Variants in CMYA5 observed in about 807,000 individuals in gnomAD.
The protein encoded by CMYA5 is cardiomyopathy-associated protein 5.
A neutral mutation model predicts 318.9 loss-of-function variants in CMYA5; 246 were observed. The ratio of observed to expected loss-of-function variants is 0.77; its 90% CI spans 0.70 to 0.86. CMYA5 has a LOEUF of 0.86. CMYA5 is among the 40% of genes least tolerant of loss of function. The pLI is 0.00. For synonymous variants in CMYA5, 1,641 were observed against 1,729.5 expected (o/e 0.95, Z 1.27); for missense variants, 4,589 against 4,678.2 (o/e 0.98, Z 0.56).
intron 1 of CMYA5, among the ~76,000 whole-genome samples, chr5:79,718,372 C>A (rs181668781): frequency 5.9e-5 from 9 of 152,088 alleles, no homozygotes; most frequent in Admixed American, 5.9e-4. Flanking sequence ...AGATCACAAG[C>A]TTTCTTGGTG....
At chr5:79,703,758 T>G (rs1360141547) in intron 1 of CMYA5, among the ~76,000 whole-genome samples, 1 of 152,190 alleles carries the variant, frequency 6.6e-6, no homozygotes, top group African/African-American at 2.4e-5. Context: ...CAACTTTATT[T>G]TGATCTTTTC....
intron 9 of CMYA5, among the ~76,000 whole-genome samples, chr5:79,776,962 A>G (rs1344299011): frequency 6.6e-6 from 1 of 152,090 alleles, no homozygotes. Flanking sequence ...ACAGAGAACA[A>G]CCACACCCTG....
chr5:79,742,143 C>T (rs1270689395), intron 2 of CMYA5, among the ~76,000 whole-genome samples: 4 of 146,922 alleles, frequency 2.7e-5, no homozygotes, highest in African/African-American at 1.0e-4. Context: ...TCCCCTTCTT[C>T]CTCCCCCTCT....
rs550913959 is a variant in CMYA5, at chr5:79,738,298, T to G, written c.9533T>G (p.Ile3178Ser). ...ATATTTCCTACCACTATTAAAGTCATTGATCCAGAATTTCTGGAGGAGCCA... is the reference window on the plus strand; with the variant it reads ...ATATTTCCTACCACTATTAAAGTCAGTGATCCAGAATTTCTGGAGGAGCCA... Reference protein sequence around the residue: ...TQIFPTTIKVIDPEFLEEPPA... With the variant: ...TQIFPTTIKVSDPEFLEEPPA... The change falls in exon 2 of 13, where the codon ATT (isoleucine) becomes AGT (serine). Residue 3178 changes from isoleucine to serine, a missense_variant. Physicochemically the swap from Ile to Ser is moderately radical, Grantham distance 142. Around this residue, in one of 3 missense-constraint regions of CMYA5, gnomAD observed 2,431 missense variants for 2,495.1 expected, o/e 0.97. Coordinates refer to ENST00000446378, the MANE Select transcript of CMYA5 (RefSeq NM_153610.5). 1.9e-6 allele frequency: 3 copies of G among 1,613,450 alleles called. No homozygotes were observed. The South Asian group carries it at 3.3e-5, about 18-fold the overall frequency.
At position 79,731,006 on chromosome 5, in the gene CMYA5, C is replaced by G; in HGVS notation, c.2241C>G (p.Ala747=). The G allele has an allele frequency of 6.2e-7, 1 of 1,613,954 alleles. No homozygotes were observed. Among genetic ancestry groups the G allele is most frequent in the Non-Finnish European group, 8.5e-7 (1 of 1,179,878 alleles). ...CTGGATCGTTTACTCCAGCTGTGGC[C>G]CCTGCTTCTGAGCCCTCTCTCTCAC... is the stretch of plus-strand genomic sequence containing the variant. The part of the protein sequence containing the change: ...EDTGSFTPAV[A]PASEPSLSPS... The change falls in exon 2 of 13, where the codon GCC becomes GCG. Residue 747 remains alanine, a synonymous_variant. Transcript: ENST00000446378.
rs762771384 is a variant in CMYA5 at position 79,731,895 on chromosome 5, G to A, written c.3130G>A (p.Glu1044Lys). 8 of 1,613,498 alleles carry A rather than the reference G, an allele frequency of 5.0e-6. 1 individual carries two copies. The South Asian group carries it at 7.7e-5, about 16-fold the overall frequency. The change falls in exon 2 of 13, where the codon GAA becomes AAA. Residue 1044 changes from glutamate to lysine, a missense_variant. Glu to Lys is a moderately conservative substitution (Grantham distance 56). Coordinates refer to ENST00000446378, the MANE Select transcript of CMYA5 (RefSeq NM_153610.5). ...TTCCTGCTTTTCAGAAGCAGATGAG[G>A]AAGACATTGGATCCACAGCTGCTAC... is the stretch of plus-strand genomic sequence containing the variant. ...GYSCFSEADE[E>K]DIGSTAATPV...
chr5:79,729,795 T>A lies in CMYA5; in HGVS notation c.1030T>A (p.Ser344Thr), dbSNP rs1430620690. 6.2e-7 allele frequency: 1 copy of A among 1,613,800 alleles called. No homozygotes were observed. Among genetic ancestry groups the A allele is most frequent in the Non-Finnish European group, 8.5e-7 (1 of 1,179,868 alleles). ...ATSALEHTVP[S>T]YSSSGRAEQG... is the part of the protein sequence containing the mutation. ...ATCTGCATTGGAGCACACAGTTCCC[T>A]CTTATTCAAGTAGTGGCAGAGCAGA... Residue 344 changes from serine to threonine, a missense_variant, in exon 2 of 13, where the codon TCT (serine) becomes ACT (threonine). Transcript: ENST00000446378.
chr5:79,709,000 A>C (rs966044244), intron 1 of CMYA5, among the ~76,000 whole-genome samples: 1 of 152,136 alleles, frequency 6.6e-6, no homozygotes, highest in African/African-American at 2.4e-5. Context: ...CCAGAGAAGT[A>C]CTCTGCTGAA....
chr5:79,731,040 A>C lies in CMYA5; in HGVS notation c.2275A>C (p.Thr759Pro), dbSNP rs1275695726. The C allele has an allele frequency of 1.2e-6, 2 of 1,613,926 alleles. No homozygotes were observed. The highest frequency in any genetic ancestry group is 1.7e-6 in the Non-Finnish European group (2 of 1,179,872). The stretch of plus-strand genomic sequence containing the variant: ...TGAGCCCTCTCTCTCACCATCCACA[A>C]CCGAAAAGACTTCTGAATGCCAGTC... The part of the protein sequence containing the change: ...ASEPSLSPST[T>P]EKTSECQSPL... The change falls in exon 2 of 13, where the codon ACC becomes CCC. Residue 759 changes from threonine to proline, a missense_variant. Coordinates refer to ENST00000446378, the MANE Select transcript of CMYA5 (RefSeq NM_153610.5).
At chr5:79,748,464 A>G (rs991536170) in intron 5 of CMYA5, among the ~76,000 whole-genome samples, 1 of 152,210 alleles carries the variant, frequency 6.6e-6, no homozygotes, top group African/African-American at 2.4e-5. Flanking sequence ...AATCAGGTCT[A>G]GAAACTGATA....
intron 6 of CMYA5, among the ~76,000 whole-genome samples, chr5:79,757,934 C>T (rs1020140137): frequency 8.5e-5 from 13 of 152,152 alleles, no homozygotes; most frequent in African/African-American, 3.1e-4. Context: ...ACAGTGATTG[C>T]ATCTAAAGAA....
At chr5:79,727,545 G>C (rs1479181706) in intron 1 of CMYA5, among the ~76,000 whole-genome samples, 1 of 152,154 alleles carries the variant, frequency 6.6e-6, no homozygotes, top group Non-Finnish European at 1.5e-5. Flanking sequence ...GTTGTAGACA[G>C]ATGTAAGCCA....
Position 79,730,344 on chromosome 5 carries a change from G to A in CMYA5, c.1579G>A (p.Val527Ile). Residue 527 changes from valine (V) to isoleucine (I), a missense_variant, in exon 2 of 13, where the codon GTA (valine) becomes ATA (isoleucine). By Grantham distance (29) the Val-to-Ile change is conservative (BLOSUM62 3). Transcript: ENST00000446378. ...ITPEPEDSNL[V>I]EEEIVELDYP... is the part of the protein sequence containing the mutation. ...CCCTGAACCTGAAGATTCTAATTTA[G>A]TAGAAGAAGAGATCGTAGAACTTGA... 1 of 1,613,670 alleles carries A rather than the reference G, an allele frequency of 6.2e-7. No homozygotes were observed. Among genetic ancestry groups the A allele is most frequent in the Non-Finnish European group, 8.5e-7 (1 of 1,179,812 alleles).
Position 79,789,059 on chromosome 5 carries a change from T to C in CMYA5, c.11644T>C (p.Phe3882Leu). 6.2e-7 allele frequency: 1 copy of C among 1,613,970 alleles called. No individual in the cohort carries two copies. Among genetic ancestry groups the C allele is most frequent in the Non-Finnish European group, 8.5e-7 (1 of 1,179,866 alleles). Residue 3882 changes from phenylalanine to leucine, a missense_variant, in exon 10 of 13, where the codon TTT becomes CTT. Coordinates refer to ENST00000446378, the MANE Select transcript of CMYA5 (RefSeq NM_153610.5). Reference sequence around the variant, plus strand: ...TTTCTATGTGAGGGCCATCAATGCATTTGGGACAAGTGAACAGAGTGAAGC... The same window carrying C: ...TTTCTATGTGAGGGCCATCAATGCACTTGGGACAAGTGAACAGAGTGAAGC... ...YFFYVRAINA[F>L]GTSEQSEAAL...
intron 9 of CMYA5, among the ~76,000 whole-genome samples, chr5:79,772,651 G>A (rs554956519): frequency 6.6e-6 from 1 of 152,192 alleles, no homozygotes; most frequent in Non-Finnish European, 1.5e-5. Flanking sequence ...TTATTCCCTA[G>A]GTTGGCATCA....
chr5:79,747,454 A>C (rs1413164700), intron 5 of CMYA5, among the ~76,000 whole-genome samples: 1 of 152,232 alleles, frequency 6.6e-6, no homozygotes, highest in Non-Finnish European at 1.5e-5. Flanking sequence ...AGTATTTGAA[A>C]GAATCATTCA....
At position 79,736,592 on chromosome 5, in the gene CMYA5, C is replaced by G. The variant is rs1561212030; in HGVS notation, c.7827C>G (p.Ile2609Met). Residue 2609 changes from isoleucine to methionine, a missense_variant, in exon 2 of 13, where the codon ATC (isoleucine) becomes ATG (methionine). Around this residue, in one of 3 missense-constraint regions of CMYA5, gnomAD observed 2,431 missense variants for 2,495.1 expected, o/e 0.97. Coordinates refer to ENST00000446378, the MANE Select transcript of CMYA5 (RefSeq NM_153610.5). ...EAMLAEAHPE[I>M]REAKAVGTQP... ...TGCTCGCAGAGGCTCACCCAGAAAT[C>G]AGAGAAGCAAAGGCAGTAGGAACCC... 7.4e-6 allele frequency: 12 copies of G among 1,613,740 alleles called. No individual in the cohort carries two copies. Among genetic ancestry groups the G allele is most frequent in the Non-Finnish European group, 8.5e-6 (10 of 1,179,794 alleles).
At chr5:79,743,554 C>G (rs1180181048) in intron 2 of CMYA5, among the ~76,000 whole-genome samples, 1 of 151,798 alleles carries the variant, frequency 6.6e-6, no homozygotes, top group Admixed American at 6.6e-5. Context: ...TTGAGCTCAT[C>G]AGTTTATCAA....
In CMYA5 at chr5:79,739,315, A is replaced by G; in HGVS notation, c.10550A>G (p.Lys3517Arg). 2 of 1,594,148 alleles carry G rather than the reference A, an allele frequency of 1.3e-6. No individual in the cohort carries two copies. The highest frequency in any genetic ancestry group is 1.7e-6 in the Non-Finnish European group (2 of 1,170,310). ...ATTGACACATACTGTTACACCTGCAAATGTCCAATTTCTGCCACTGACAAG... is the reference window on the plus strand; with the variant it reads ...ATTGACACATACTGTTACACCTGCAGATGTCCAATTTCTGCCACTGACAAG... ...SQIDTYCYTCKCPISATDKVF... is the reference protein window; with the variant it reads ...SQIDTYCYTCRCPISATDKVF... The change falls in exon 2 of 13, where the codon AAA (lysine) becomes AGA (arginine). Residue 3517 changes from lysine (K) to arginine (R), a missense_variant. Around this residue, in one of 3 missense-constraint regions of CMYA5, gnomAD observed 2,431 missense variants for 2,495.1 expected, o/e 0.97. Transcript: ENST00000446378.
Sources: gnomAD v4.1 joint callset for allele counts (sites outside exome capture counted in the v4.1 genomes callset) on GRCh38, gnomAD v4.1.1 for gene constraint, gnomAD v4.1.1 regional missense constraint, MANE v1.5 for transcripts, NCBI Gene and HGNC (gene_info 2026-07-23, HGNC 2026-07-21) for gene names.